UGT1A8: variants seen among roughly 807,000 people sequenced by gnomAD.
UGT1A8 encodes UDP-glucuronosyltransferase 1A8.
In UGT1A8, 39 loss-of-function variants were observed where a neutral mutation model predicts 45.3. The observed-to-expected ratio is 0.86, with a 90% CI of 0.67 to 1.12. The LOEUF is 1.12. UGT1A8 is among the 50% of genes most tolerant of loss of function. The pLI is 0.00. For missense variants in UGT1A8, 719 were observed against 664.9 expected (o/e 1.08, Z -0.90); for synonymous variants, 275 against 249.2 (o/e 1.10, Z -0.97).
intron 1 of UGT1A8, among the ~76,000 whole-genome samples, chr2:233,669,216 T>C (rs1575413390): frequency 6.6e-6 from 1 of 152,156 alleles, no homozygotes; most frequent in East Asian, 1.9e-4. Flanking sequence ...TTACTATAGA[T>C]TTGTAATAAG....
chr2:233,642,906 GTC>G (rs1323263354), intron 1 of UGT1A8, among the ~76,000 whole-genome samples: 1 of 150,970 alleles, frequency 6.6e-6, no homozygotes, highest in Non-Finnish European at 1.5e-5. Flanking sequence ...CTCTCTCTCT[GTC>G]TCTCTCTCTG....
intron 1 of UGT1A8, among the ~76,000 whole-genome samples, chr2:233,736,630 T>C (rs2078786520): frequency 1.3e-5 from 2 of 152,252 alleles, no homozygotes; most frequent in African/African-American, 4.8e-5. Flanking sequence ...TTTTCTGCTC[T>C]AGTTTCCCCC....
At chr2:233,626,543 G>C (rs17863766) in intron 1 of UGT1A8, among the ~76,000 whole-genome samples, 1 of 151,868 alleles carries the variant, frequency 6.6e-6, no homozygotes, top group Non-Finnish European at 1.5e-5. Context: ...GAAGTCATTC[G>C]CAACATCTGG....
At chr2:233,683,674 A>C (rs2074645836) in intron 1 of UGT1A8, among the ~76,000 whole-genome samples, 1 of 152,132 alleles carries the variant, frequency 6.6e-6, no homozygotes, top group South Asian at 2.1e-4. Context: ...TTTCTTATTA[A>C]CCTTTATTCC....
chr2:233,716,908 C>G (rs1308471683), intron 1 of UGT1A8, among the ~76,000 whole-genome samples: 2 of 152,142 alleles, frequency 1.3e-5, no homozygotes, highest in Non-Finnish European at 2.9e-5. Context: ...TCTCCAGACC[C>G]TGGAAGCTGA....
intron 1 of UGT1A8, chr2:233,636,766 A>G (rs1225477134): frequency 7.4e-6 from 12 of 1,613,910 alleles, no homozygotes; most frequent in Non-Finnish European, 1.0e-5. Context: ...AACCTCGTAC[A>G]CTCTGGAAGA....
At chr2:233,768,775 G>A (rs577472067) in intron 4 of UGT1A8, among the ~76,000 whole-genome samples, 18 of 151,802 alleles carry the variant, frequency 1.2e-4, no homozygotes, top group Admixed American at 9.2e-4. Flanking sequence ...GTAGAGAAAG[G>A]GTTTCACCAT....
chr2:233,680,543 C>G lies in UGT1A8; in HGVS notation c.855+61981C>G, dbSNP rs184094797. ...CTGAGGTTGGCTGTTGAATCCCTCA[C>G]GAAATGCTCCTCAGTGTGTTGCCTA... On this transcript the variant is annotated intron_variant, in intron 1 of 4. Transcript: ENST00000373450. 9.1e-4 allele frequency among the ~76,000 whole-genome samples: 139 copies of G among 152,218 alleles called. 1 individual carries two copies. Among genetic ancestry groups the G allele is most frequent in the African/African-American group, 2.3e-3 (95 of 41,516 alleles).
chr2:233,682,749 T>A, intron 1 of UGT1A8: 1 of 1,613,926 alleles, frequency 6.2e-7, no homozygotes, highest in Non-Finnish European at 8.5e-7. Context: ...AATATGATCT[T>A]CATTGGTGGT....
chr2:233,755,133 A>G, intron 1 of UGT1A8: 1 of 1,319,072 alleles, frequency 7.6e-7, no homozygotes, highest in Non-Finnish European at 1.0e-6. Context: ...CACCTGCTTG[A>G]ATCTTCTCAC....
intron 1 of UGT1A8, among the ~76,000 whole-genome samples, chr2:233,700,925 G>A (rs2075599676): frequency 6.6e-6 from 1 of 151,226 alleles, no homozygotes; most frequent in Admixed American, 6.6e-5. Context: ...TCCTGTGTCT[G>A]TGTGTGATTG....
At chr2:233,687,309 C>T (rs1191549339) in intron 1 of UGT1A8, among the ~76,000 whole-genome samples, 1 of 152,082 alleles carries the variant, frequency 6.6e-6, no homozygotes, top group Non-Finnish European at 1.5e-5. Context: ...TCAATGTTGT[C>T]TTCTTGATGC....
intron 1 of UGT1A8, chr2:233,693,477 T>A (rs1474224090): frequency 6.2e-7 from 1 of 1,614,186 alleles, no homozygotes; most frequent in Non-Finnish European, 8.5e-7. Flanking sequence ...TGTGGGGTGA[T>A]CCTGGCTGAG....
chr2:233,652,088 C>T (rs1204959928), intron 1 of UGT1A8, among the ~76,000 whole-genome samples: 1 of 152,134 alleles, frequency 6.6e-6, no homozygotes, highest in African/African-American at 2.4e-5. Context: ...TTCAGGATTA[C>T]TCTTTACCAT....
Position 233,618,334 on chromosome 2 carries a change from C to G in UGT1A8, c.627C>G (p.Asn209Lys). ...DAMTFKERVR[N>K]HIMHLEEHLF... is the part of the protein sequence containing the mutation. Reference sequence around the variant, plus strand: ...TGACTTTCAAGGAGAGAGTACGGAACCACATCATGCACTTGGAGGAACATT... The same window carrying G: ...TGACTTTCAAGGAGAGAGTACGGAAGCACATCATGCACTTGGAGGAACATT... The change falls in exon 1 of 5, where the codon AAC becomes AAG. Residue 209 changes from asparagine to lysine, a missense_variant. Physicochemically the swap from Asn to Lys is moderately conservative, Grantham distance 94. Transcript: ENST00000373450. 1.2e-6 allele frequency: 2 copies of G among 1,613,924 alleles called. No homozygotes were observed. The highest frequency in any genetic ancestry group is 8.5e-7 in the Non-Finnish European group (1 of 1,179,850).
chr2:233,748,612 C>T (rs570236786), intron 1 of UGT1A8, among the ~76,000 whole-genome samples: 2 of 151,726 alleles, frequency 1.3e-5, no homozygotes, highest in East Asian at 1.9e-4. Context: ...GAGCAACGAA[C>T]GTGGGATATA....
intron 1 of UGT1A8, among the ~76,000 whole-genome samples, chr2:233,632,621 G>A (rs766039935): frequency 2.0e-5 from 3 of 151,798 alleles, no homozygotes; most frequent in Admixed American, 6.6e-5. Context: ...TTTACAATTT[G>A]GCTCTCTGTT....
rs774677126 is a variant in UGT1A8 at position 233,772,538 on chromosome 2, C to A, written c.1572C>A (p.Ala524=). The change falls in exon 5 of 5, where the codon GCC becomes GCA. Residue 524 remains alanine, a synonymous_variant. Coordinates refer to ENST00000373450, the MANE Select transcript of UGT1A8 (RefSeq NM_019076.5). ...CLGKKGRVKK[A]HKSKTH ...GGAAAAAAGGGCGAGTTAAGAAAGC[C>A]CACAAATCCAAGACCCATTGAGAAG... The A allele has an allele frequency of 3.7e-6, 6 of 1,613,922 alleles. No homozygotes were observed. The Admixed American group carries it at 8.3e-5, about 22-fold the overall frequency.
At chr2:233,680,001 TTTTC>T (rs2074470429) in intron 1 of UGT1A8, among the ~76,000 whole-genome samples, 2 of 152,198 alleles carry the variant, frequency 1.3e-5, no homozygotes, top group Non-Finnish European at 2.9e-5. Flanking sequence ...TTTTCTTCTC[TTTTC>T]TTTCTTTCTC....
Sources: gnomAD v4.1 joint callset for allele counts (sites outside exome capture counted in the v4.1 genomes callset) on GRCh38, gnomAD v4.1.1 for gene constraint, MANE v1.5 for transcripts, NCBI Gene and HGNC (gene_info 2026-07-23, HGNC 2026-07-21) for gene names.